The following SLC38A8 variants were observed in gnomAD, a reference collection of about 807,000 sequenced individuals.
The protein encoded by SLC38A8 is amino acid transporter SLC38A8.
In SLC38A8, 65 loss-of-function variants were observed where a neutral mutation model predicts 46.0. The ratio of observed to expected loss-of-function variants is 1.41; its 90% CI spans 1.16 to 1.74. SLC38A8 has a LOEUF of 1.74. Ranked by LOEUF, SLC38A8 falls within the 40% of genes most tolerant of loss-of-function variation. SLC38A8 has a pLI of 0.00. For synonymous variants in SLC38A8, 447 were observed against 243.7 expected (o/e 1.83, Z -7.77); for missense variants, 998 against 567.9 (o/e 1.76, Z -7.70).
intron 9 of SLC38A8, among the ~76,000 whole-genome samples, chr16:84,014,502 G>C (rs1371455504): frequency 1.3e-5 from 2 of 151,492 alleles, no homozygotes; most frequent in Non-Finnish European, 1.5e-5. Context: ...ACCTGTGAAA[G>C]CGCCACCCTA....
chr16:84,024,865 G>T (rs1358441706), intron 6 of SLC38A8, among the ~76,000 whole-genome samples: 1 of 152,100 alleles, frequency 6.6e-6, no homozygotes, highest in African/African-American at 2.4e-5. Flanking sequence ...ATTTTTGGTA[G>T]AGACAGGGTT....
At chr16:84,028,747 C>G (rs2085198886) in intron 6 of SLC38A8, among the ~76,000 whole-genome samples, 1 of 144,518 alleles carries the variant, frequency 6.9e-6, no homozygotes, top group African/African-American at 2.5e-5. Flanking sequence ...CTGCAGGTCT[C>G]TCTCCAGCTG....
At chr16:84,019,082 A>G (rs979558100) in intron 7 of SLC38A8, among the ~76,000 whole-genome samples, 10 of 151,866 alleles carry the variant, frequency 6.6e-5, no homozygotes, top group African/African-American at 2.2e-4. Flanking sequence ...TCTCCAAAAA[A>G]AATTTTTTTT....
Position 84,022,809 on chromosome 16 carries a change from G to C in SLC38A8, c.771C>G (p.Ser257=), listed in dbSNP as rs893054351. 3.7e-6 allele frequency: 6 copies of C among 1,613,942 alleles called. No homozygotes were observed. The highest frequency in any genetic ancestry group is 2.2e-5 in the East Asian group (1 of 44,884). ...AATAGATGAGGCAGCAGGCCAGCAA[G>C]GACAGCACAGACACCAGGGCCCAGT... ...LSHWALVSVL[S]LLACCLIYSL... The change falls in exon 7 of 11, where the codon TCC becomes TCG. Residue 257 remains serine (S), a synonymous_variant. Coordinates refer to ENST00000299709, the MANE Select transcript of SLC38A8 (RefSeq NM_001080442.3).
chr16:84,017,401 G>T (rs953284159), intron 7 of SLC38A8, 114 bp from the exon 8 acceptor site: 4 of 1,279,148 alleles, frequency 3.1e-6, no homozygotes, highest in Non-Finnish European at 4.3e-6. Context: ...CTTAGGAGCT[G>T]AAAGAAGGTT....
intron 5 of SLC38A8, among the ~76,000 whole-genome samples, chr16:84,030,296 A>C (rs1256107786): frequency 1.3e-5 from 2 of 152,146 alleles, no homozygotes; most frequent in East Asian, 3.9e-4. Context: ...ATCACTTGTC[A>C]CAACAGCCCT....
At chr16:84,036,112 C>A (rs575763718) in intron 3 of SLC38A8, among the ~76,000 whole-genome samples, 10 of 152,268 alleles carry the variant, frequency 6.6e-5, no homozygotes, top group East Asian at 1.9e-4. Flanking sequence ...AAATTAAGGT[C>A]GAAACCGTGA....
intron 5 of SLC38A8, 152 bp from the exon 6 acceptor site, chr16:84,029,703 T>C (rs2085215243): frequency 2.9e-6 from 2 of 700,544 alleles, no homozygotes; most frequent in Admixed American, 5.7e-5. Flanking sequence ...GACCGGGCTT[T>C]TGGAAATGGA....
intron 7 of SLC38A8, among the ~76,000 whole-genome samples, chr16:84,018,127 C>G (rs1485566344): frequency 6.6e-6 from 1 of 152,002 alleles, no homozygotes; most frequent in Non-Finnish European, 1.5e-5. Flanking sequence ...GATTGAGTGC[C>G]CACACTGGTG....
At chr16:84,014,225 T>G (rs1213267193) in intron 9 of SLC38A8, among the ~76,000 whole-genome samples, 1 of 145,584 alleles carries the variant, frequency 6.9e-6, no homozygotes, top group African/African-American at 2.6e-5. Context: ...CACCCTCACC[T>G]CTGAAAGCTC....
chr16:84,039,151 C>G (rs986665178), intron 2 of SLC38A8, among the ~76,000 whole-genome samples: 1 of 152,100 alleles, frequency 6.6e-6, no homozygotes, highest in African/African-American at 2.4e-5. Context: ...GCACCTGGAG[C>G]CACCAGGAGC....
chr16:84,025,542 G>C (rs1471679913), intron 6 of SLC38A8, among the ~76,000 whole-genome samples: 1 of 152,154 alleles, frequency 6.6e-6, no homozygotes, highest in African/African-American at 2.4e-5. Flanking sequence ...GCGTTGCTCA[G>C]GGCTCTGAGC....
At chr16:84,017,377 C>T (rs2085043233) in intron 7 of SLC38A8, 90 bp from the exon 8 acceptor site, 3 of 1,475,946 alleles carry the variant, frequency 2.0e-6, no homozygotes, top group East Asian at 2.3e-5. Flanking sequence ...CTGGCTTTAC[C>T]ACCTAAGATT....
chr16:84,041,106 G>A (rs755112242), intron 2 of SLC38A8: 1 of 152,280 alleles, frequency 6.6e-6, no homozygotes, highest in African/African-American at 2.4e-5. Flanking sequence ...CAGCGGCAAA[G>A]GATCTTAGAA....
In SLC38A8 at chr16:84,009,819, G is replaced by A. The variant is rs771319311; in HGVS notation, c.1273C>T (p.Gln425Ter). 12 of 1,613,932 alleles carry A rather than the reference G, an allele frequency of 7.4e-6. No homozygotes were observed. Among genetic ancestry groups the A allele is most frequent in the African/African-American group, 2.7e-5 (2 of 74,914 alleles). ...TCCCAGACCGCTGCCGCCGTGCTCT[G>A]CCCAAAGATGAAGGTGCCGACCAGC... ...SVLVGTFIFGQSTAAAVWEMF is the reference protein window; with the variant it reads ...SVLVGTFIFG The change falls in exon 11 of 11, where the codon CAG becomes TAG. Residue 425 changes from glutamine to a stop codon, truncating the protein, a stop_gained. Coordinates refer to ENST00000299709, the MANE Select transcript of SLC38A8 (RefSeq NM_001080442.3). LOFTEE classifies it high-confidence loss of function.
intron 9 of SLC38A8, among the ~76,000 whole-genome samples, chr16:84,013,434 T>TTTTTTGTTTTTTTTTTTTGTTG: frequency 7.9e-6 from 1 of 126,986 alleles, no homozygotes; most frequent in South Asian, 2.7e-4. Context: ...GTTTTTTTTT[T>TTTTTTGTTTTTTTTTTTTGTTG]TTTTTTTTTT....
intron 10 of SLC38A8, among the ~76,000 whole-genome samples, chr16:84,011,316 C>G (rs181621738): frequency 6.6e-6 from 1 of 152,208 alleles, no homozygotes; most frequent in Non-Finnish European, 1.5e-5. Flanking sequence ...AGCATGAAGA[C>G]TCCGAAAAGC....
intron 2 of SLC38A8, among the ~76,000 whole-genome samples, chr16:84,039,684 G>T (rs111799808): frequency 6.7e-6 from 1 of 150,356 alleles, no homozygotes; most frequent in South Asian, 2.1e-4. Context: ...GGAGGCGGAG[G>T]TTGCAGTGAG....
chr16:84,011,580 G>A (rs572299718), intron 10 of SLC38A8, among the ~76,000 whole-genome samples: 232 of 152,282 alleles, frequency 1.5e-3, no homozygotes, highest in African/African-American at 5.3e-3. Flanking sequence ...GTGAAGGGTG[G>A]CCCCCAAAAT....
Sources: allele counts gnomAD v4.1 joint callset (sites outside exome capture counted in the v4.1 genomes callset), GRCh38; gene constraint gnomAD v4.1.1; transcripts MANE v1.5; gene names NCBI Gene and HGNC (gene_info 2026-07-23, HGNC 2026-07-21).